Variants in FRAS1 observed in about 807,000 individuals in gnomAD.
The protein encoded by FRAS1 is Fraser extracellular matrix complex subunit 1, also known as extracellular matrix organizing protein FRAS1.
In FRAS1, 290 loss-of-function variants were observed where a neutral mutation model predicts 435.2. The observed-to-expected ratio is 0.67, with a 90% CI of 0.61 to 0.73. FRAS1 has a LOEUF of 0.73. Ranked by LOEUF, FRAS1 falls within the 30% of genes least tolerant of loss-of-function variation. FRAS1 has a pLI of 0.00. For synonymous variants in FRAS1, 1,800 were observed against 1,851.0 expected (o/e 0.97, Z 0.71); for missense variants, 4,860 against 5,001.5 (o/e 0.97, Z 0.85).
chr4:78,399,206 G>A (rs1732789666), intron 29 of FRAS1, among the ~76,000 whole-genome samples: 1 of 152,140 alleles, frequency 6.6e-6, no homozygotes, highest in Non-Finnish European at 1.5e-5. Context: ...GTTCTCATGG[G>A]CACTGTTTGA....
intron 2 of FRAS1, among the ~76,000 whole-genome samples, chr4:78,099,384 T>C (rs1741991937): frequency 6.6e-6 from 1 of 152,182 alleles, no homozygotes. Flanking sequence ...GACAGCAGGC[T>C]CTCTGCATGC....
chr4:78,145,339 T>C (rs1442033380), intron 2 of FRAS1, among the ~76,000 whole-genome samples: 2 of 152,190 alleles, frequency 1.3e-5, no homozygotes, highest in African/African-American at 4.8e-5. Context: ...ATTTCTAAGA[T>C]GTTTTCATAG....
intron 41 of FRAS1, chr4:78,444,226 A>C (rs1414363478): frequency 2.7e-5 from 12 of 450,222 alleles, no homozygotes; most frequent in Non-Finnish European, 4.4e-5. Flanking sequence ...ATTTAAGAAA[A>C]AAGTAAAAAT....
chr4:78,443,098 C>T (rs1236812407), intron 41 of FRAS1, among the ~76,000 whole-genome samples: 1 of 152,234 alleles, frequency 6.6e-6, no homozygotes, highest in Non-Finnish European at 1.5e-5. Context: ...CCTGTCATTT[C>T]AGCACTTTGG....
rs879360957 is a variant in FRAS1, at chr4:78,226,522, C to CT, written c.109-10977dup. 3.0e-3 allele frequency among the ~76,000 whole-genome samples: 428 copies of CT among 142,158 alleles called. 2 individuals are homozygous for CT. Among genetic ancestry groups the CT allele is most frequent in the African/African-American group, 8.7e-3 (339 of 38,994 alleles). The allele number at this position is 142,158 out of a possible 152,430, so 93.3% of individuals were successfully genotyped here. Reference sequence around the variant, plus strand: ...TAAAGATTTGTCTTCTGAGTTCCATCTTTTTTTTTTTAATGTGTGGAGAAG... The same window carrying CT: ...TAAAGATTTGTCTTCTGAGTTCCATCTTTTTTTTTTTTAATGTGTGGAGAAG... On this transcript the variant is annotated intron_variant, in intron 2 of 73. Transcript: ENST00000512123.
In FRAS1 at chr4:78,479,549, T is replaced by G. The variant is rs756522135; in HGVS notation, c.8274T>G (p.Ile2758Met). ...TGTCCACCTGTGATGTCATGCTTAT[T>G]GATGACAGCGAGTATGAAGAGGAAG... ...VTMSTCDVML[I>M]DDSEYEEEEE... The change falls in exon 56 of 74, where the codon ATT (isoleucine) becomes ATG (methionine). Residue 2758 changes from isoleucine to methionine, a missense_variant. Transcript: ENST00000512123. The G allele has an allele frequency of 5.0e-6, 8 of 1,613,988 alleles. No individual in the cohort carries two copies. The East Asian group carries it at 1.8e-4, about 36-fold the overall frequency.
chr4:78,381,784 A>G lies in FRAS1; in HGVS notation c.3563+1788A>G, dbSNP rs1278579217. Among the ~76,000 whole-genome samples the G allele has an allele frequency of 5.9e-5, 9 of 152,140 alleles. No homozygotes were observed. The East Asian group carries it at 1.7e-3, about 29-fold the overall frequency. Reference sequence around the variant, plus strand: ...TGGAATCATAGCTTTGTACCCCTAAATGGGACAAAGAATGGCAGTTTAGGA... The same window carrying G: ...TGGAATCATAGCTTTGTACCCCTAAGTGGGACAAAGAATGGCAGTTTAGGA... On this transcript the variant is annotated intron_variant, in intron 27 of 73. Coordinates refer to ENST00000512123, the MANE Select transcript of FRAS1 (RefSeq NM_025074.7).
At chr4:78,183,422 C>T (rs1048305922) in intron 2 of FRAS1, among the ~76,000 whole-genome samples, 14 of 152,108 alleles carry the variant, frequency 9.2e-5, no homozygotes, top group African/African-American at 3.1e-4. Context: ...TTTTGGCGTC[C>T]CCGGAAACCA....
intron 15 of FRAS1, among the ~76,000 whole-genome samples, chr4:78,310,553 A>G (rs1447072305): frequency 6.6e-6 from 1 of 152,184 alleles, no homozygotes; most frequent in African/African-American, 2.4e-5. Flanking sequence ...CAGATCTACA[A>G]GTAATTACTA....
At chr4:78,142,751 A>G (rs550174055) in intron 2 of FRAS1, among the ~76,000 whole-genome samples, 1 of 152,322 alleles carries the variant, frequency 6.6e-6, no homozygotes, top group Non-Finnish European at 1.5e-5. Context: ...AATGGAGGAA[A>G]AGTGTTCTAT....
intron 35 of FRAS1, among the ~76,000 whole-genome samples, chr4:78,425,508 T>G (rs1366126329): frequency 1.3e-5 from 2 of 152,230 alleles, no homozygotes; most frequent in Non-Finnish European, 2.9e-5. Flanking sequence ...CAACCATCCA[T>G]GCGCACTGTT....
intron 3 of FRAS1, among the ~76,000 whole-genome samples, chr4:78,244,164 C>T (rs1725133362): frequency 6.6e-6 from 1 of 152,128 alleles, no homozygotes; most frequent in Non-Finnish European, 1.5e-5. Flanking sequence ...TTCCCATCCA[C>T]TCTTGTAGAT....
rs149918617 is a variant in FRAS1, at chr4:78,413,593, G to A, written c.4425+508G>A. Among the ~76,000 whole-genome samples, 1,437 of 152,332 alleles carry A rather than the reference G, an allele frequency of 9.4e-3. 9 individuals are homozygous for A. The highest frequency in any genetic ancestry group is 0.012 in the Non-Finnish European group (847 of 68,036). On this transcript the variant is annotated intron_variant, in intron 32 of 73. Coordinates refer to ENST00000512123, the MANE Select transcript of FRAS1 (RefSeq NM_025074.7). ...CTGGGGACACATTGGGAGGAATGGA[G>A]AGGTGATGACAAAGGGCACTGCCAC...
At chr4:78,275,827 C>T (rs1045834733) in intron 9 of FRAS1, among the ~76,000 whole-genome samples, 7 of 151,994 alleles carry the variant, frequency 4.6e-5, no homozygotes, top group South Asian at 4.2e-4. Context: ...ATCTTTGTGG[C>T]GTTCTCTGTA....
intron 72 of FRAS1, among the ~76,000 whole-genome samples, chr4:78,538,326 C>T (rs984657606): frequency 5.3e-5 from 8 of 152,082 alleles, no homozygotes; most frequent in Non-Finnish European, 1.0e-4. Flanking sequence ...CTCTGGGGTC[C>T]TTGATTTGTA....
intron 2 of FRAS1, among the ~76,000 whole-genome samples, chr4:78,112,170 A>T (rs1470244947): frequency 6.6e-6 from 1 of 152,164 alleles, no homozygotes. Context: ...AAAAATGTCT[A>T]ATTGCATGTG....
At chr4:78,378,642 C>T (rs1872266) in intron 26 of FRAS1, among the ~76,000 whole-genome samples, 36,805 of 152,080 alleles carry the variant, frequency 0.24, 4,891 homozygotes, top group Admixed American at 0.31. Context: ...TGCACCTGCT[C>T]ATGTGCTTAT....
At chr4:78,147,968 A>G (rs1720486582) in intron 2 of FRAS1, among the ~76,000 whole-genome samples, 1 of 152,152 alleles carries the variant, frequency 6.6e-6, no homozygotes. Flanking sequence ...TGACATGTGG[A>G]GGTAGTTCAA....
chr4:78,530,064 C>T (rs1721663307), intron 70 of FRAS1, among the ~76,000 whole-genome samples: 1 of 151,688 alleles, frequency 6.6e-6, no homozygotes, highest in Non-Finnish European at 1.5e-5. Flanking sequence ...TAGTTTGTTG[C>T]TCACTGCATT....
Sources: allele counts gnomAD v4.1 joint callset (sites outside exome capture counted in the v4.1 genomes callset), GRCh38; gene constraint gnomAD v4.1.1; transcripts MANE v1.5; gene names NCBI Gene and HGNC (gene_info 2026-07-23, HGNC 2026-07-21).